JAK2: variants seen among roughly 807,000 people sequenced by gnomAD.
JAK2 encodes tyrosine-protein kinase JAK2.
Under a neutral mutation model 139.3 loss-of-function variants are expected in JAK2, and 86 were observed. That is an observed-to-expected ratio of 0.62 (90% CI 0.52 to 0.74). JAK2 has a LOEUF of 0.74. JAK2 is among the 30% of genes least tolerant of loss of function. JAK2 has a pLI of 0.00. For missense variants in JAK2, 1,421 were observed against 1,360.3 expected (o/e 1.04, Z -0.70); for synonymous variants, 490 against 437.7 (o/e 1.12, Z -1.49).
rs374297139 is a variant in JAK2 at position 5,077,496 on chromosome 9, A to G, written c.1908A>G (p.Thr636=). 1 of 1,404,802 alleles carries G rather than the reference A, an allele frequency of 7.1e-7. No homozygotes were observed. The highest frequency in any genetic ancestry group is 1.5e-5 in the African/African-American group (1 of 66,678). The allele number at this position is 1,404,802 out of a possible 1,614,324, so 87.0% of individuals were successfully genotyped here. A position where few individuals can be genotyped will look rare whatever the true frequency, so the allele number is the denominator to read the frequency against. Residue 636 remains threonine (T), a synonymous_variant, in exon 15 of 25, where the codon ACA becomes ACG. Transcript: ENST00000381652. ...TTGTAAAATTTGGATCACTAGATAC[A>G]TATCTGAAAAAGAATAAAAATTGTA... ...QEFVKFGSLD[T]YLKKNKNCIN... is the part of the protein sequence containing the mutation.
chr9:5,085,765 G>T, intron 19 of JAK2: 1 of 754,210 alleles, frequency 1.3e-6, no homozygotes, highest in Non-Finnish European at 2.5e-6. Context: ...TGCACATGTC[G>T]GGAGTTATTA....
intron 4 of JAK2, among the ~76,000 whole-genome samples, chr9:5,039,717 A>C (rs1052047487): frequency 2.0e-5 from 3 of 152,184 alleles, no homozygotes; most frequent in African/African-American, 7.2e-5. Flanking sequence ...AAATGAAATT[A>C]AAAAAATTTC....
intron 12 of JAK2, among the ~76,000 whole-genome samples, chr9:5,070,355 G>T (rs916473428): frequency 6.6e-6 from 1 of 151,902 alleles, no homozygotes; most frequent in Non-Finnish European, 1.5e-5. Context: ...AAGTTCTCAA[G>T]AAAGTAAGGG....
chr9:5,078,470 A>C, intron 16 of JAK2, 26 bp downstream of exon 16: 10 of 1,584,362 alleles, frequency 6.3e-6, no homozygotes, highest in Non-Finnish European at 8.6e-6. Flanking sequence ...ATTATATATA[A>C]TGTTACTAAG....
At chr9:5,081,097 G>A (rs998059152) in intron 18 of JAK2, among the ~76,000 whole-genome samples, 6 of 151,468 alleles carry the variant, frequency 4.0e-5, no homozygotes, top group African/African-American at 1.5e-4. Context: ...GGGTTTCACC[G>A]TGTTAGCCAG....
At chr9:5,085,561 G>C (rs1820022170) in intron 19 of JAK2, 2 of 692,966 alleles carry the variant, frequency 2.9e-6, no homozygotes, top group South Asian at 1.6e-5. Context: ...AGATATAACA[G>C]CTGTATTTCC....
chr9:5,099,842 T>TC (rs1821327076), intron 22 of JAK2: 1 of 152,120 alleles, frequency 6.6e-6, no homozygotes, highest in African/African-American at 2.4e-5. Context: ...ACACCAACTA[T>TC]CCAATTATCA....
intron 19 of JAK2, among the ~76,000 whole-genome samples, chr9:5,084,387 G>A (rs867885982): frequency 7.9e-5 from 12 of 152,092 alleles, no homozygotes; most frequent in African/African-American, 2.4e-4. Flanking sequence ...CTACAAAAAT[G>A]ATTGCATGTC....
chr9:5,050,252 C>G (rs182810323), intron 5 of JAK2, among the ~76,000 whole-genome samples: 1 of 152,068 alleles, frequency 6.6e-6, no homozygotes, highest in Non-Finnish European at 1.5e-5. Flanking sequence ...AAAATTGTAT[C>G]GCAAAATGAA....
At position 4,986,685 on chromosome 9, in the gene JAK2, G is replaced by A. The variant is rs541615418; in HGVS notation, c.-26+663G>A. Among the ~76,000 whole-genome samples, 26 of 152,138 alleles carry A rather than the reference G, an allele frequency of 1.7e-4. No homozygotes were observed. The South Asian group carries it at 4.4e-3, about 26-fold the overall frequency. ...AATGCTTGGGACCAAAAGTGTTTTG[G>A]ATTTTTTTTAAAAATTTTGGAATGT... On this transcript the variant is annotated intron_variant, in intron 2 of 24. Transcript: ENST00000381652.
chr9:5,085,838 T>A, intron 19 of JAK2: 1 of 763,302 alleles, frequency 1.3e-6, no homozygotes, highest in Admixed American at 1.7e-5. Context: ...CTTTTCCTTT[T>A]ACATCAAAGT....
intron 3 of JAK2, among the ~76,000 whole-genome samples, chr9:5,027,056 G>T (rs1363856437): frequency 6.6e-6 from 1 of 152,160 alleles, no homozygotes. Flanking sequence ...GCAACCACAT[G>T]CAAGCATGGA....
At position 5,029,774 on chromosome 9, in the gene JAK2, C is replaced by T; in HGVS notation, c.227-9C>T. The T allele has an allele frequency of 6.2e-7, 1 of 1,600,402 alleles. No individual in the cohort carries two copies. ...CCTTTAATAATTCCTTTCTCTGCTT[C>T]TTTTCTAGGTATCACACCTGTGTAT... On this transcript the variant is annotated splice_polypyrimidine_tract_variant and intron_variant, in intron 3 of 24. Transcript: ENST00000381652.
intron 22 of JAK2, among the ~76,000 whole-genome samples, chr9:5,105,811 A>G (rs200745362): frequency 6.6e-6 from 1 of 152,196 alleles, no homozygotes; most frequent in African/African-American, 2.4e-5. Flanking sequence ...AAGAAATGGG[A>G]AAAGGATTCC....
intron 6 of JAK2, among the ~76,000 whole-genome samples, chr9:5,052,237 A>G (rs1817464853): frequency 6.6e-6 from 1 of 152,114 alleles, no homozygotes; most frequent in African/African-American, 2.4e-5. Context: ...CAATCTTTCT[A>G]TGTAGATTGT....
chr9:4,995,176 T>C (rs1820489670), intron 2 of JAK2, among the ~76,000 whole-genome samples: 1 of 152,236 alleles, frequency 6.6e-6, no homozygotes, highest in Non-Finnish European at 1.5e-5. Flanking sequence ...TTCTCCTTTT[T>C]TAGGGAACTC....
intron 8 of JAK2, among the ~76,000 whole-genome samples, chr9:5,062,010 A>G (rs1364794531): frequency 6.6e-6 from 1 of 152,180 alleles, no homozygotes. Flanking sequence ...CAGTCAGAAC[A>G]TATACAAATT....
chr9:5,015,687 A>G (rs1329329250), intron 2 of JAK2, among the ~76,000 whole-genome samples: 1 of 152,166 alleles, frequency 6.6e-6, no homozygotes, highest in Admixed American at 6.6e-5. Context: ...CAGGAAAAGA[A>G]AAAAGCCAAT....
At chr9:5,117,519 G>A (rs966405267) in intron 22 of JAK2, among the ~76,000 whole-genome samples, 4 of 151,956 alleles carry the variant, frequency 2.6e-5, no homozygotes, top group Non-Finnish European at 4.4e-5. Context: ...GTTTTCCAGA[G>A]GCAATAAGAT....
Sources: allele counts gnomAD v4.1 joint callset (sites outside exome capture counted in the v4.1 genomes callset), GRCh38; gene constraint gnomAD v4.1.1; transcripts MANE v1.5; gene names NCBI Gene and HGNC (gene_info 2026-07-23, HGNC 2026-07-21).